TARBP1: variants seen among roughly 807,000 people sequenced by gnomAD.
TARBP1 encodes the protein tRNA guanosine 2 -O-methyltransferase TARBP1, also known as tRNA (guanosine(18)-2'-O)-methyltransferase TARBP1.
Under a neutral mutation model 178.6 loss-of-function variants are expected in TARBP1, and 144 were observed. The ratio of observed to expected loss-of-function variants is 0.81; its 90% confidence interval spans 0.70 to 0.93. The LOEUF (loss-of-function observed/expected upper bound fraction) is 0.93, where lower values mean the gene tolerates loss of function less well. Ranked by LOEUF, TARBP1 falls within the 40% of genes least tolerant of loss-of-function variation. The pLI is 0.00. For missense variants in TARBP1, 2,067 were observed against 2,011.7 expected, an observed-to-expected ratio of 1.03 and a Z score of -0.53; for synonymous variants, 787 against 781.0, an observed-to-expected ratio of 1.01 and a Z score of -0.13.
intron 9 of TARBP1, 131 bp downstream of exon 9, chr1:234,457,536 A>G (rs1418789348): frequency 6.9e-6 from 4 of 578,982 alleles, no homozygotes; most frequent in Admixed American, 6.8e-5. Context: ...CAAATATACA[A>G]TATTTCAAAG....
chr1:234,459,206 G>A (rs1480943790), intron 8 of TARBP1, 24 bp downstream of exon 8: 5 of 1,581,822 alleles, frequency 3.2e-6, no homozygotes, highest in Non-Finnish European at 4.3e-6. Context: ...ACTTGTAAAT[G>A]GAAGTAACAA....
At chr1:234,408,886 C>A (rs1337905752) in intron 23 of TARBP1, among the ~76,000 whole-genome samples, 3 of 152,290 alleles carry the variant, frequency 2.0e-5, no homozygotes, top group African/African-American at 7.2e-5. Flanking sequence ...CTTGATAAAT[C>A]GGCTCTGTGT....
chr1:234,427,879 A>C (rs1208006760), intron 17 of TARBP1, 113 bp from the exon 18 acceptor site: 2 of 589,482 alleles, frequency 3.4e-6, no homozygotes, highest in Non-Finnish European at 5.2e-6. Context: ...AAAACTGTTA[A>C]ATTCATTACT....
rs766216321 is a variant in TARBP1, at chr1:234,429,609, C to T, written c.2678G>A (p.Trp893Ter). 3 of 1,613,940 alleles carry T rather than the reference C, an allele frequency of 1.9e-6. No individual in the cohort carries two copies. The African/African-American group carries it at 4.0e-5, about 22-fold the overall frequency. ...KIVAQYIHDQ[W>*]VCLSFLLKKY... ...TTTCAACAGGAAAGAGAGGCACACC[C>T]ATTGATCATGAATATATTGTGCAAC... The change falls in exon 16 of 30, where the codon TGG becomes TAG. Residue 893 changes from tryptophan to a stop codon, truncating the protein, a stop_gained. Transcript: ENST00000040877. LOFTEE classifies it high-confidence loss of function.
chr1:234,442,876 G>C (rs989709891), intron 12 of TARBP1, among the ~76,000 whole-genome samples: 1 of 152,024 alleles, frequency 6.6e-6, no homozygotes, highest in Non-Finnish European at 1.5e-5. Context: ...CTTAATTACC[G>C]CAATACAGAA....
Position 234,467,627 on chromosome 1 carries a change from A to T in TARBP1, c.1123T>A (p.Trp375Arg). 6.3e-7 allele frequency: 1 copy of T among 1,596,882 alleles called. No homozygotes were observed. ...ATTCTTTTATAAATACACATATGCC[A>T]GGATGGGTGAAAGAGCCAACATCCT... The part of the protein sequence containing the change: ...ENGCWLFHPS[W>R]HMCIYKRMFE... The change falls in exon 4 of 30, where the codon TGG becomes AGG. Residue 375 changes from tryptophan (W) to arginine (R), a missense_variant. Trp to Arg is a moderately radical substitution (Grantham distance 101). Transcript: ENST00000040877.
rs1669190533 is a variant in TARBP1 at position 234,472,707 on chromosome 1, C to T, written c.1029+7G>A. The T allele has an allele frequency of 6.4e-7, 1 of 1,555,904 alleles. No individual in the cohort carries two copies. The highest frequency in any genetic ancestry group is 1.2e-5 in the South Asian group (1 of 83,210). Reference sequence around the variant, plus strand: ...TGTAGGATTTGCTAAAATAGAAAAACACTTACCTGATTTCCTTCTAAAGTC... The same window carrying T: ...TGTAGGATTTGCTAAAATAGAAAAATACTTACCTGATTTCCTTCTAAAGTC... On this transcript the variant is annotated splice_region_variant and intron_variant, in intron 2 of 29. Coordinates refer to ENST00000040877, the MANE Select transcript of TARBP1 (RefSeq NM_005646.4).
intron 1 of TARBP1, among the ~76,000 whole-genome samples, chr1:234,476,011 T>C (rs1669537770): frequency 6.6e-6 from 1 of 152,020 alleles, no homozygotes; most frequent in African/African-American, 2.4e-5. Context: ...TCTCTACTGT[T>C]ATTATAGTAA....
intron 6 of TARBP1, among the ~76,000 whole-genome samples, chr1:234,461,498 G>A (rs1377139763): frequency 1.3e-5 from 2 of 152,122 alleles, no homozygotes; most frequent in Non-Finnish European, 2.9e-5. Context: ...AGTAGAGACG[G>A]GGTTTGGCCA....
intron 9 of TARBP1, among the ~76,000 whole-genome samples, chr1:234,453,429 A>G (rs984857248): frequency 6.6e-6 from 1 of 151,404 alleles, no homozygotes; most frequent in Non-Finnish European, 1.5e-5. Context: ...AGCTCAAGTG[A>G]TCTGCCCGCC....
At chr1:234,420,937 A>G in intron 20 of TARBP1, 125 bp from the exon 21 acceptor site, 3 of 508,910 alleles carry the variant, frequency 5.9e-6, no homozygotes, top group Non-Finnish European at 7.0e-6. Flanking sequence ...TCTTCCCCCA[A>G]AAAGCAGTTA....
rs1239558958 is a variant in TARBP1 at position 234,478,552 on chromosome 1, G to C, written c.552C>G (p.Ala184=). ...CGGCCACCAGCGCCGCCGCGTCCTC[G>C]GCAGGCCCGGCCTCATCCCCGTCCC... The part of the protein sequence containing the change: ...GGGDGDEAGP[A]EDAAALVAGR... Residue 184 remains alanine (A), a synonymous_variant, in exon 1 of 30, where the codon GCC becomes GCG. Coordinates refer to ENST00000040877, the MANE Select transcript of TARBP1 (RefSeq NM_005646.4). The C allele has an allele frequency of 5.6e-5, 75 of 1,344,336 alleles. No individual in the cohort carries two copies. Among genetic ancestry groups the C allele is most frequent in the Admixed American group, 2.6e-4 (8 of 30,696 alleles). The allele number at this position is 1,344,336 out of a possible 1,614,324, so 83.3% of individuals were successfully genotyped here.
intron 6 of TARBP1, among the ~76,000 whole-genome samples, chr1:234,462,905 A>G (rs566391436): frequency 1.3e-5 from 2 of 152,310 alleles, no homozygotes; most frequent in South Asian, 2.1e-4. Flanking sequence ...AAAAGAAAAA[A>G]ATACGTATTT....
chr1:234,448,696 A>G, intron 10 of TARBP1, 117 bp from the exon 11 acceptor site: 1 of 733,370 alleles, frequency 1.4e-6, no homozygotes. Context: ...AGAGAAATAC[A>G]ACCGAGATGA....
intron 17 of TARBP1, among the ~76,000 whole-genome samples, chr1:234,428,514 T>G (rs1392197358): frequency 6.6e-6 from 1 of 152,056 alleles, no homozygotes; most frequent in African/African-American, 2.4e-5. Context: ...ATTACCTCAT[T>G]TCCAAGAAAT....
rs1191735860 is a variant in TARBP1 at position 234,477,967 on chromosome 1, C to T, written c.931+206G>A. 2.6e-5 allele frequency among the ~76,000 whole-genome samples: 4 copies of T among 152,190 alleles called. 1 individual carries two copies. Among genetic ancestry groups the T allele is most frequent in the Non-Finnish European group, 5.9e-5 (4 of 68,046 alleles). ...TCCACCGGCTCTGGGTTAGAACGTTCCCAACCGCAGTGATTTGTGACTTCA... is the reference window on the plus strand; with the variant it reads ...TCCACCGGCTCTGGGTTAGAACGTTTCCAACCGCAGTGATTTGTGACTTCA... On this transcript the variant is annotated intron_variant, in intron 1 of 29. Transcript: ENST00000040877.
Position 234,392,493 on chromosome 1 carries a change from G to A in TARBP1, c.4620C>T (p.Ile1540=). 6.2e-7 allele frequency: 1 copy of A among 1,614,010 alleles called. No individual in the cohort carries two copies. The highest frequency in any genetic ancestry group is 8.5e-7 in the Non-Finnish European group (1 of 1,179,856). ...TTTTGGCAGTTTGTTCCACTCCAAT[G>A]ATGGTATAACCTTCTGTTTTCTTCT... ...LQQKKTEGYT[I]IGVEQTAKSL... The change falls in exon 29 of 30, where the codon ATC becomes ATT. Residue 1540 remains isoleucine, a synonymous_variant. Coordinates refer to ENST00000040877, the MANE Select transcript of TARBP1 (RefSeq NM_005646.4).
In TARBP1 at chr1:234,408,727, C is replaced by G. The variant is rs376582828; in HGVS notation, c.3792+1718G>C. 1.5e-3 allele frequency among the ~76,000 whole-genome samples: 225 copies of G among 152,252 alleles called. 2 individuals carry two copies. The South Asian group carries it at 0.034, about 23-fold the overall frequency. On this transcript the variant is annotated intron_variant, in intron 23 of 29. Transcript: ENST00000040877. ...TCATCTCCGACCCAACCAATCAACA[C>G]CCTTGACTCACTGGCCTTCCCCCTC...
At chr1:234,413,742 G>A (rs1423073622) in intron 22 of TARBP1, among the ~76,000 whole-genome samples, 1 of 152,154 alleles carries the variant, frequency 6.6e-6, no homozygotes, top group Non-Finnish European at 1.5e-5. Context: ...CTTCAGGGTG[G>A]AAAGCAGATG....
Sources: gnomAD v4.1 joint callset for allele counts (sites outside exome capture counted in the v4.1 genomes callset) on GRCh38, gnomAD v4.1.1 for gene constraint, MANE v1.5 for transcripts, NCBI Gene and HGNC (gene_info 2026-07-23, HGNC 2026-07-21) for gene names.